The following SLC18B1 variants were observed in gnomAD, a reference collection of about 807,000 sequenced individuals.
SLC18B1 encodes the protein solute carrier family 18 member B1.
In SLC18B1, 62 loss-of-function variants were observed where a neutral mutation model predicts 53.9. That is an observed-to-expected ratio of 1.15 (90% CI 0.94 to 1.42). The LOEUF is 1.42. SLC18B1 is among the 40% of genes most tolerant of loss of function. SLC18B1 has a pLI of 0.00. For synonymous variants in SLC18B1, 217 were observed against 200.9 expected (o/e 1.08, Z -0.68); for missense variants, 598 against 547.3 (o/e 1.09, Z -0.93).
intron 7 of SLC18B1, among the ~76,000 whole-genome samples, chr6:132,777,648 A>T (rs1444539241): frequency 6.6e-6 from 1 of 152,190 alleles, no homozygotes; most frequent in East Asian, 1.9e-4. Context: ...TGGGAGGAGG[A>T]GGTTGCAGTG....
chr6:132,772,391 C>T (rs191697987), intron 10 of SLC18B1, among the ~76,000 whole-genome samples, 185 bp from the exon 11 acceptor site: 67 of 152,158 alleles, frequency 4.4e-4, no homozygotes, highest in African/African-American at 1.6e-3. Context: ...ACATTTACTC[C>T]ATGGTTTTCT....
chr6:132,786,647 C>T (rs1781384468), intron 5 of SLC18B1, among the ~76,000 whole-genome samples: 1 of 150,056 alleles, frequency 6.7e-6, no homozygotes, highest in South Asian at 2.1e-4. Context: ...TACATTGTTA[C>T]ATGAGTAAAT....
At chr6:132,779,647 A>G (rs1781180022) in intron 6 of SLC18B1, among the ~76,000 whole-genome samples, 1 of 152,200 alleles carries the variant, frequency 6.6e-6, no homozygotes, top group Non-Finnish European at 1.5e-5. Context: ...TCAGAGTGTG[A>G]GGAGAAGAAG....
rs1407839429 is a variant in SLC18B1 at position 132,770,947 on chromosome 6, A to G, written c.1255-8T>C. The G allele has an allele frequency of 9.3e-6, 15 of 1,612,634 alleles. No homozygotes were observed. Among genetic ancestry groups the G allele is most frequent in the Non-Finnish European group, 1.3e-5 (15 of 1,179,574 alleles). The stretch of plus-strand genomic sequence containing the variant: ...CAAGCCCATGGCTAATCCCTTAAAC[A>G]CAATTAAAAGTACTGATTAATGTAA... On this transcript the variant is annotated splice_polypyrimidine_tract_variant and splice_region_variant and intron_variant, in intron 12 of 13. Transcript: ENST00000275227.
chr6:132,789,658 C>T, intron 4 of SLC18B1, 106 bp downstream of exon 4: 1 of 797,190 alleles, frequency 1.3e-6, no homozygotes, highest in South Asian at 1.5e-5. Flanking sequence ...ATGCATTTGA[C>T]AGACAATAAA....
intron 7 of SLC18B1, among the ~76,000 whole-genome samples, chr6:132,777,803 G>T (rs1026825611): frequency 4.6e-5 from 7 of 152,204 alleles, no homozygotes; most frequent in African/African-American, 1.7e-4. Context: ...TTTAGACACA[G>T]CTTCTTAAAA....
chr6:132,798,484 G>C lies in SLC18B1; in HGVS notation c.-28C>G. The C allele has an allele frequency of 6.8e-7, 1 of 1,481,284 alleles. No individual in the cohort carries two copies. Among genetic ancestry groups the C allele is most frequent in the Non-Finnish European group, 9.0e-7 (1 of 1,111,576 alleles). 91.8% of individuals were successfully genotyped at this position (1,481,284 alleles called of 1,614,324 possible). On this transcript the variant is annotated 5_prime_UTR_variant, in exon 1 of 14. Transcript: ENST00000275227. The stretch of plus-strand genomic sequence containing the variant: ...CCGGTGCGTGGACTCCGGCGCCCCA[G>C]CTCCCGGCTTCAAGCCACGTCCTTG...
rs1317893561 is a variant in SLC18B1 at position 132,769,974 on chromosome 6, A to T, written c.*296T>A. The T allele has an allele frequency of 4.4e-6, 1 of 229,096 alleles. No homozygotes were observed. The highest frequency in any genetic ancestry group is 2.3e-5 in the African/African-American group (1 of 43,870). The allele number at this position is 229,096 out of a possible 1,614,324, so 14.2% of individuals were successfully genotyped here. A position where few individuals can be genotyped will look rare whatever the true frequency, so the allele number is the denominator to read the frequency against. ...AGAACTAACTCGAGTTAATAACAAC[A>T]TCTTTAAGGACAAGTTTGGTCATTT... On this transcript the variant is annotated 3_prime_UTR_variant, in exon 14 of 14. Coordinates refer to ENST00000275227, the MANE Select transcript of SLC18B1 (RefSeq NM_052831.3).
chr6:132,784,055 A>T lies in SLC18B1; in HGVS notation c.536T>A (p.Ile179Lys). Residue 179 changes from isoleucine to lysine, a missense_variant, in exon 6 of 14, where the codon ATA becomes AAA. Transcript: ENST00000275227. The part of the protein sequence containing the change: ...SLETFSGLGL[I>K]LGPPVGGFLY... The stretch of plus-strand genomic sequence containing the variant: ...AAAGCCACCTACAGGAGGACCTAGT[A>T]TTAGCCCCAGTCCAGAAAAAGTCTC... 1 of 1,601,786 alleles carries T rather than the reference A, an allele frequency of 6.2e-7. No homozygotes were observed. Among genetic ancestry groups the T allele is most frequent in the Non-Finnish European group, 8.5e-7 (1 of 1,175,656 alleles).
At chr6:132,796,872 T>A (rs533722997) in intron 2 of SLC18B1, 110 bp downstream of exon 2, 2 of 1,177,816 alleles carry the variant, frequency 1.7e-6, no homozygotes, top group South Asian at 3.7e-5. Context: ...CCATCTGTCC[T>A]ATATGCAGAT....
chr6:132,771,368 T>C (rs1562261230), intron 11 of SLC18B1, among the ~76,000 whole-genome samples: 1 of 152,156 alleles, frequency 6.6e-6, no homozygotes, highest in Non-Finnish European at 1.5e-5. Flanking sequence ...ATGGCTTATA[T>C]AAAAATAAAA....
intron 7 of SLC18B1, 142 bp from the exon 8 acceptor site, chr6:132,776,571 C>T (rs1781106212): frequency 3.2e-6 from 2 of 620,000 alleles, no homozygotes; most frequent in East Asian, 5.9e-5. Flanking sequence ...TTCATCTTAC[C>T]TTTGAAAATG....
chr6:132,770,978 C>T (rs1780955677), intron 12 of SLC18B1, 39 bp from the exon 13 acceptor site: 21 of 1,611,052 alleles, frequency 1.3e-5, no homozygotes, highest in Non-Finnish European at 1.8e-5. Context: ...TGTAAATTTT[C>T]CAAGTCAAGT....
At chr6:132,775,070 G>A (rs1781067054) in intron 8 of SLC18B1, among the ~76,000 whole-genome samples, 3 of 152,136 alleles carry the variant, frequency 2.0e-5, no homozygotes, top group Admixed American at 2.0e-4. Context: ...GGTATCTGGA[G>A]GTGAGCCTTT....
chr6:132,776,098 T>A (rs1781092663), intron 8 of SLC18B1, among the ~76,000 whole-genome samples: 1 of 152,206 alleles, frequency 6.6e-6, no homozygotes, highest in Non-Finnish European at 1.5e-5. Flanking sequence ...CCAATTTATT[T>A]TTTTTTAAGC....
chr6:132,772,349 A>G (rs879384867), intron 10 of SLC18B1, 143 bp from the exon 11 acceptor site: 4 of 476,492 alleles, frequency 8.4e-6, no homozygotes, highest in African/African-American at 2.0e-5. Flanking sequence ...TAAGATAAAA[A>G]GCAAATCTTA....
intron 7 of SLC18B1, among the ~76,000 whole-genome samples, chr6:132,776,702 T>C (rs1448872992): frequency 6.6e-6 from 1 of 152,242 alleles, no homozygotes; most frequent in Non-Finnish European, 1.5e-5. Flanking sequence ...TTTTTATATG[T>C]AAATTAATGT....
In SLC18B1 at chr6:132,783,842, T is replaced by C. The variant is rs1002267251; in HGVS notation, c.658+91A>G. The stretch of plus-strand genomic sequence containing the variant: ...GTTATTTTTAAAAGCTATTTTTGAT[T>C]ATATAAAATAATAACTGGTAAAACT... On this transcript the variant is annotated intron_variant, in intron 6 of 13. Coordinates refer to ENST00000275227, the MANE Select transcript of SLC18B1 (RefSeq NM_052831.3). 7 of 1,011,174 alleles carry C rather than the reference T, an allele frequency of 6.9e-6. No individual in the cohort carries two copies. The Admixed American group carries it at 2.3e-4, about 33-fold the overall frequency. The allele number at this position is 1,011,174 out of a possible 1,614,324, so 62.6% of individuals were successfully genotyped here.
intron 8 of SLC18B1, among the ~76,000 whole-genome samples, chr6:132,774,575 T>C (rs1184274241): frequency 1.3e-5 from 2 of 152,056 alleles, no homozygotes; most frequent in Non-Finnish European, 2.9e-5. Context: ...TTGCACATGA[T>C]GAACTATTAC....
Sources: allele counts gnomAD v4.1 joint callset (sites outside exome capture counted in the v4.1 genomes callset), GRCh38; gene constraint gnomAD v4.1.1; transcripts MANE v1.5; gene names NCBI Gene and HGNC (gene_info 2026-07-23, HGNC 2026-07-21).